ZNF536: variants seen among roughly 807,000 people sequenced by gnomAD.
ZNF536 encodes the protein zinc finger protein 536.
Under a neutral mutation model 84.5 loss-of-function variants are expected in ZNF536, and 13 were observed. That is an observed-to-expected ratio of 0.15 (90% CI 0.10 to 0.24). The LOEUF (loss-of-function observed/expected upper bound fraction) is 0.24. Ranked by LOEUF, ZNF536 falls within the 10% of genes least tolerant of loss-of-function variation. ZNF536 has a pLI of 1.00. For missense variants in ZNF536, 1,536 were observed against 1,747.5 expected (o/e 0.88, Z 2.16); for synonymous variants, 811 against 742.5 (o/e 1.09, Z -1.50).
intron 2 of ZNF536, among the ~76,000 whole-genome samples, chr19:30,450,978 C>G (rs893812327): frequency 1.3e-5 from 2 of 152,244 alleles, no homozygotes; most frequent in African/African-American, 2.4e-5. Flanking sequence ...CGGTCTCTGC[C>G]GTGGAAGCGT....
At chr19:30,526,988 G>A (rs1050026557) in intron 2 of ZNF536, among the ~76,000 whole-genome samples, 2 of 151,400 alleles carry the variant, frequency 1.3e-5, no homozygotes, top group Non-Finnish European at 2.9e-5. Context: ...GTGTGAACTC[G>A]GCTCGCTGCA....
intron 1 of ZNF536, among the ~76,000 whole-genome samples, chr19:30,606,761 C>T (rs2047907455): frequency 6.6e-6 from 1 of 152,110 alleles, no homozygotes; most frequent in Non-Finnish European, 1.5e-5. Context: ...GGATTTCAAT[C>T]CAGCAGGGGC....
chr19:30,696,915 C>T (rs1258759471), intron 1 of ZNF536, among the ~76,000 whole-genome samples: 1 of 152,208 alleles, frequency 6.6e-6, no homozygotes, highest in Non-Finnish European at 1.5e-5. Context: ...GCTCCAGCTG[C>T]AGGACCATGT....
At chr19:30,340,151 C>T (rs2047519728) in intron 2 of ZNF536, among the ~76,000 whole-genome samples, 1 of 152,170 alleles carries the variant, frequency 6.6e-6, no homozygotes. Context: ...GTCTCGTGGG[C>T]TGACTTGCAG....
chr19:30,368,555 A>G (rs1191263201), upstream of ZNF536, among the ~76,000 whole-genome samples: 1 of 152,168 alleles, frequency 6.6e-6, no homozygotes, highest in African/African-American at 2.4e-5. Flanking sequence ...GTCCATGGGG[A>G]ATGTGGGTTT....
intron 3 of ZNF536, among the ~76,000 whole-genome samples, chr19:30,535,227 TG>T (rs908088289): frequency 6.6e-6 from 1 of 152,196 alleles, no homozygotes; most frequent in African/African-American, 2.4e-5. Context: ...AATGTAGACT[TG>T]GATGGTCCTG....
chr19:30,303,814 G>T (rs996955519), intron 2 of ZNF536, among the ~76,000 whole-genome samples: 6 of 152,304 alleles, frequency 3.9e-5, no homozygotes, highest in Non-Finnish European at 8.8e-5. Context: ...ATTAGGCAGG[G>T]ATAGCAGATA....
chr19:30,666,187 C>T (rs998917413), intron 1 of ZNF536, among the ~76,000 whole-genome samples: 2 of 152,188 alleles, frequency 1.3e-5, no homozygotes, highest in African/African-American at 4.8e-5. Flanking sequence ...CTCACCTGGT[C>T]TCCCAGGAGG....
At chr19:30,627,005 AG>A (rs1329414543) in intron 1 of ZNF536, among the ~76,000 whole-genome samples, 1 of 152,122 alleles carries the variant, frequency 6.6e-6, no homozygotes, top group Non-Finnish European at 1.5e-5. Context: ...ACTGGCAGTA[AG>A]GTGGGGAGTA....
intron 1 of ZNF536, among the ~76,000 whole-genome samples, chr19:30,251,118 G>A (rs1273892122): frequency 6.6e-6 from 1 of 152,044 alleles, no homozygotes; most frequent in Non-Finnish European, 1.5e-5. Flanking sequence ...CCCTATCATC[G>A]GTGGGGAATA....
At chr19:30,674,624 G>A (rs1206064920) in intron 1 of ZNF536, among the ~76,000 whole-genome samples, 1 of 152,208 alleles carries the variant, frequency 6.6e-6, no homozygotes. Flanking sequence ...CCCCACCTGA[G>A]AGGTGAGGAA....
At chr19:30,690,075 G>A (rs2051348254) in intron 1 of ZNF536, among the ~76,000 whole-genome samples, 1 of 152,192 alleles carries the variant, frequency 6.6e-6, no homozygotes, top group African/African-American at 2.4e-5. Flanking sequence ...GGGAAGTCTG[G>A]AAAACAAGCT....
At chr19:30,472,461 T>C (rs1232298338) in intron 2 of ZNF536, among the ~76,000 whole-genome samples, 27 of 152,138 alleles carry the variant, frequency 1.8e-4, no homozygotes. Flanking sequence ...AAAGATTATG[T>C]AAACATGTGT....
At chr19:30,287,226 G>T (rs2045660421) in intron 2 of ZNF536, among the ~76,000 whole-genome samples, 1 of 122,050 alleles carries the variant, frequency 8.2e-6, no homozygotes. Flanking sequence ...TGGATGGATG[G>T]ATAGATGGGT....
intron 2 of ZNF536, among the ~76,000 whole-genome samples, chr19:30,309,763 T>C (rs2046442582): frequency 6.6e-6 from 1 of 152,192 alleles, no homozygotes; most frequent in Non-Finnish European, 1.5e-5. Context: ...TATAAGTTTA[T>C]TAAGGGTGGA....
chr19:30,414,478 T>G (rs1295876561), intron 1 of ZNF536, among the ~76,000 whole-genome samples: 1 of 152,196 alleles, frequency 6.6e-6, no homozygotes, highest in East Asian at 1.9e-4. Context: ...TTTGTTTCAT[T>G]TTTTTTCTTT....
intron 1 of ZNF536, among the ~76,000 whole-genome samples, chr19:30,389,512 C>T (rs1382101957): frequency 7.9e-5 from 12 of 152,150 alleles, no homozygotes; most frequent in Non-Finnish European, 2.9e-5. Flanking sequence ...ATCTCTTAAC[C>T]TGTTCAGTAC....
chr19:30,316,425 CTTG>C (rs1485036083), intron 2 of ZNF536, among the ~76,000 whole-genome samples: 2 of 152,130 alleles, frequency 1.3e-5, no homozygotes, highest in Non-Finnish European at 2.9e-5. Flanking sequence ...CTATAAATTG[CTTG>C]TTAATATGTT....
chr19:30,613,949 G>A (rs559048390), intron 1 of ZNF536, among the ~76,000 whole-genome samples: 25 of 152,284 alleles, frequency 1.6e-4, no homozygotes, highest in Non-Finnish European at 3.1e-4. Flanking sequence ...TGCAACCTCC[G>A]CCTCCTGCGT....
Sources: gnomAD v4.1 joint callset for allele counts (sites outside exome capture counted in the v4.1 genomes callset) on GRCh38, gnomAD v4.1.1 for gene constraint, MANE v1.5 for transcripts, NCBI Gene and HGNC (gene_info 2026-07-23, HGNC 2026-07-21) for gene names.